Variants in ATG7 observed in about 807,000 individuals in gnomAD.
The protein encoded by ATG7 is autophagy related 7, also known as ubiquitin-like modifier-activating enzyme ATG7.
In ATG7, 70 loss-of-function variants were observed where a neutral mutation model predicts 82.4. That is an observed-to-expected ratio of 0.85 (90% CI 0.70 to 1.04). The LOEUF is 1.04. Among genes scored for constraint, ATG7 ranks in the 50% least tolerant of loss-of-function variants. ATG7 has a pLI of 0.00. For synonymous variants in ATG7, 287 were observed against 313.0 expected (o/e 0.92, Z 0.88); for missense variants, 792 against 864.3 (o/e 0.92, Z 1.05).
intron 20 of ATG7, among the ~76,000 whole-genome samples, chr3:11,455,760 TAATC>T (rs2085645833): frequency 6.6e-6 from 1 of 152,208 alleles, no homozygotes; most frequent in Non-Finnish European, 1.5e-5. Flanking sequence ...GATCCCACCT[TAATC>T]AAGCTGATTT....
intron 10 of ATG7, 34 bp from the exon 11 acceptor site, chr3:11,332,937 AT>A (rs753668520): frequency 2.8e-5 from 39 of 1,410,022 alleles, no homozygotes; most frequent in African/African-American, 1.6e-4. Flanking sequence ...TTAAAAAAAA[AT>A]AATAAATAAA....
chr3:11,331,979 G>T (rs1353329729), intron 10 of ATG7, among the ~76,000 whole-genome samples: 1 of 152,152 alleles, frequency 6.6e-6, no homozygotes, highest in Non-Finnish European at 1.5e-5. Context: ...ATGTTGGGCA[G>T]TATCTACCAA....
rs1943220971 is a variant in ATG7 at position 11,282,439 on chromosome 3, G to A, written c.-11+1G>A. ...ATGTTGATTCAGAGTTGGCTTGGAG[G>A]TGAGGAGGACAACTCACCCATCATA... On this transcript the variant is annotated splice_donor_variant, in intron 3 of 20. Transcript: ENST00000693202. LOFTEE classifies it low-confidence loss of function (5UTR_SPLICE). The A allele has an allele frequency of 6.6e-6, 1 of 152,236 alleles. No homozygotes were observed. Among genetic ancestry groups the A allele is most frequent in the Admixed American group, 6.5e-5 (1 of 15,290 alleles). The allele number at this position is 152,236 out of a possible 1,614,324, so 9.4% of individuals were successfully genotyped here.
At chr3:11,540,001 T>C (rs879679416) in intron 20 of ATG7, among the ~76,000 whole-genome samples, 4 of 152,286 alleles carry the variant, frequency 2.6e-5, no homozygotes, top group Non-Finnish European at 5.9e-5. Context: ...GTTTCTAGTT[T>C]GGAGCTGTTA....
intron 20 of ATG7, among the ~76,000 whole-genome samples, chr3:11,491,396 A>C (rs1268897753): frequency 2.0e-5 from 3 of 152,098 alleles, no homozygotes; most frequent in South Asian, 2.1e-4. Context: ...AAAGTTTTCA[A>C]CTTCTTTGCC....
intron 20 of ATG7, among the ~76,000 whole-genome samples, chr3:11,495,624 C>A (rs1279999779): frequency 6.6e-6 from 1 of 151,564 alleles, no homozygotes; most frequent in Non-Finnish European, 1.5e-5. Context: ...ACTTAATGAT[C>A]CACCTATGGC....
intron 20 of ATG7, among the ~76,000 whole-genome samples, chr3:11,532,656 G>A (rs935394153): frequency 2.6e-5 from 4 of 152,266 alleles, no homozygotes; most frequent in Admixed American, 2.0e-4. Context: ...CCCCAAGGCC[G>A]AGGCTACAGT....
chr3:11,462,526 G>A lies in ATG7; in HGVS notation c.2079+35600G>A, dbSNP rs192165748. On this transcript the variant is annotated intron_variant, in intron 20 of 20. Transcript: ENST00000693202. The stretch of plus-strand genomic sequence containing the variant: ...AGCGTGAACACTTTAGGGTTGGCTA[G>A]TTTGAATAATCTCAGGGGCCCTAAG... Among the ~76,000 whole-genome samples, 135 of 152,258 alleles carry A rather than the reference G, an allele frequency of 8.9e-4. 2 individuals carry two copies. The East Asian group carries it at 0.022, about 24-fold the overall frequency.
chr3:11,441,652 C>G (rs548771313), intron 20 of ATG7, among the ~76,000 whole-genome samples: 29 of 130,620 alleles, frequency 2.2e-4, no homozygotes, highest in Non-Finnish European at 4.4e-4. Flanking sequence ...CTTCCCCTTT[C>G]TCCTTTTTTT....
chr3:11,372,869 C>T (rs910044187), intron 18 of ATG7, among the ~76,000 whole-genome samples: 1 of 136,262 alleles, frequency 7.3e-6, no homozygotes, highest in African/African-American at 2.8e-5. Context: ...TGTGTGAAAT[C>T]GGCCATGTTT....
At chr3:11,305,165 AG>A (rs1479309909) in intron 5 of ATG7, among the ~76,000 whole-genome samples, 1 of 152,228 alleles carries the variant, frequency 6.6e-6, no homozygotes, top group Non-Finnish European at 1.5e-5. Flanking sequence ...TCCAAGTCTC[AG>A]GCTCCTTCCC....
chr3:11,559,191 C>G, downstream of ATG7: 1 of 1,377,762 alleles, frequency 7.3e-7, no homozygotes, highest in Non-Finnish European at 9.5e-7. Flanking sequence ...TAGGCGCACA[C>G]TGGACGTGCT....
At chr3:11,323,113 A>G (rs898876647) in intron 9 of ATG7, among the ~76,000 whole-genome samples, 12 of 152,146 alleles carry the variant, frequency 7.9e-5, no homozygotes, top group African/African-American at 2.7e-4. Flanking sequence ...AAGTTAGAAC[A>G]TGTTAAGGTT....
chr3:11,377,607 A>G lies in ATG7; in HGVS notation c.1876-2365A>G, dbSNP rs149808009. ...ACATAAAGTAAGTTTGATGAAAACC[A>G]TATTAGAGAAAACAGCATGCAGAAA... On this transcript the variant is annotated intron_variant, in intron 18 of 20. Transcript: ENST00000693202. Among the ~76,000 whole-genome samples the G allele has an allele frequency of 9.2e-5, 14 of 152,400 alleles. No homozygotes were observed. In the East Asian group the frequency reaches 2.5e-3, roughly 27 times the overall value.
intron 18 of ATG7, among the ~76,000 whole-genome samples, chr3:11,371,713 G>C (rs1452600126): frequency 6.6e-6 from 1 of 151,116 alleles, no homozygotes; most frequent in Non-Finnish European, 1.5e-5. Context: ...TGAAAACATG[G>C]CTTCTTGATA....
intron 20 of ATG7, chr3:11,477,216 A>G (rs1381771419): frequency 7.8e-7 from 1 of 1,288,002 alleles, no homozygotes; most frequent in Non-Finnish European, 1.0e-6. Context: ...ACTTCTGTGA[A>G]TGGAATCTTT....
intron 20 of ATG7, among the ~76,000 whole-genome samples, chr3:11,546,528 T>C (rs2071305634): frequency 6.6e-6 from 1 of 152,168 alleles, no homozygotes; most frequent in South Asian, 2.1e-4. Context: ...CACAGAAATA[T>C]AATTGTGCCA....
chr3:11,559,243 G>A (rs1559851033), downstream of ATG7: 3 of 1,452,396 alleles, frequency 2.1e-6, no homozygotes, highest in Middle Eastern at 1.8e-4. Flanking sequence ...TGGGCTCAGG[G>A]GCGAGAGGTT....
intron 3 of ATG7, among the ~76,000 whole-genome samples, chr3:11,283,675 G>A (rs1456483359): frequency 1.3e-5 from 2 of 152,026 alleles, no homozygotes; most frequent in Admixed American, 6.6e-5. Context: ...GGTGGCTCAC[G>A]CCTAGTAATC....
Sources: gnomAD v4.1 joint callset for allele counts (sites outside exome capture counted in the v4.1 genomes callset) on GRCh38, gnomAD v4.1.1 for gene constraint, MANE v1.5 for transcripts, NCBI Gene and HGNC (gene_info 2026-07-23, HGNC 2026-07-21) for gene names.